RRAS2: variants seen among roughly 807,000 people sequenced by gnomAD.
The protein encoded by RRAS2 is ras-related protein R-Ras2.
RRAS2 carries 7 observed loss-of-function variants against 27.6 expected under a neutral mutation model. The ratio of observed to expected loss-of-function variants is 0.25; its 90% CI spans 0.14 to 0.48. The LOEUF (loss-of-function observed/expected upper bound fraction) is 0.48, where lower values mean the gene tolerates loss of function less well. Ranked by LOEUF, RRAS2 falls within the 20% of genes least tolerant of loss-of-function variation. The pLI, the probability that RRAS2 is intolerant of heterozygous loss-of-function variation, is 0.99. For missense variants in RRAS2, 178 were observed against 256.2 expected, an observed-to-expected ratio of 0.69 and a Z score of 2.08; for synonymous variants, 86 against 90.9, an observed-to-expected ratio of 0.95 and a Z score of 0.31.
At chr11:14,328,439 A>G (rs1429337269) in intron 1 of RRAS2, among the ~76,000 whole-genome samples, 11 of 152,094 alleles carry the variant, frequency 7.2e-5, no homozygotes, top group Admixed American at 4.6e-4. Context: ...AGACACGTGT[A>G]AAAACAATAT....
At chr11:14,342,366 T>A (rs1217688884) in intron 1 of RRAS2, among the ~76,000 whole-genome samples, 2 of 152,334 alleles carry the variant, frequency 1.3e-5, no homozygotes, top group East Asian at 1.9e-4. Flanking sequence ...TTCCCAAGCC[T>A]GCATTTCCTC....
chr11:14,359,574 G>C (rs1849161302), upstream of RRAS2, among the ~76,000 whole-genome samples: 1 of 152,224 alleles, frequency 6.6e-6, no homozygotes, highest in Non-Finnish European at 1.5e-5. Context: ...TTGAGGATTA[G>C]AGCTGTGTCA....
intron 1 of RRAS2, among the ~76,000 whole-genome samples, chr11:14,305,552 T>C (rs1554947986): frequency 2.6e-5 from 4 of 152,096 alleles, no homozygotes. Context: ...AACTCCCCAC[T>C]CCAATAGCTT....
At chr11:14,306,118 C>A (rs559086031) in intron 1 of RRAS2, among the ~76,000 whole-genome samples, 2 of 150,950 alleles carry the variant, frequency 1.3e-5, no homozygotes, top group Non-Finnish European at 2.9e-5. Context: ...GTAAAATAGT[C>A]TCTCACTGCA....
intron 1 of RRAS2, among the ~76,000 whole-genome samples, chr11:14,355,030 G>A (rs1023004743): frequency 2.6e-5 from 4 of 151,796 alleles, no homozygotes; most frequent in Non-Finnish European, 5.9e-5. Context: ...TGATTTACCT[G>A]CATTATTTTA....
chr11:14,349,245 A>C (rs1408746104), intron 1 of RRAS2, among the ~76,000 whole-genome samples: 1 of 151,640 alleles, frequency 6.6e-6, no homozygotes, highest in Admixed American at 6.6e-5. Context: ...TCCACCTCCC[A>C]GGTTCACACC....
Position 14,330,277 on chromosome 11 carries a change from A to C in RRAS2, c.108+28486T>G, listed in dbSNP as rs111263637. 6.3e-3 allele frequency among the ~76,000 whole-genome samples: 960 copies of C among 152,328 alleles called. 15 individuals carry two copies. Among genetic ancestry groups the C allele is most frequent in the African/African-American group, 0.022 (916 of 41,574 alleles). ...ATTCATTGGTAGTCCTGATAATTTA[A>C]GAACTGCTTCCTGGCCAGGCTCAGC... On this transcript the variant is annotated intron_variant, in intron 1 of 5. Coordinates refer to ENST00000256196, the MANE Select transcript of RRAS2 (RefSeq NM_012250.6).
chr11:14,358,738 C>T lies in RRAS2; in HGVS notation c.108+25G>A. 7.7e-7 allele frequency: 1 copy of T among 1,300,368 alleles called. No homozygotes were observed. The highest frequency in any genetic ancestry group is 9.9e-7 in the Non-Finnish European group (1 of 1,014,172). 80.6% of individuals were successfully genotyped at this position (1,300,368 alleles called of 1,614,324 possible). ...GCCCCCGCCCGCCGCCGCTCCGGCG[C>T]CCCGGGCAGGCCCGCTCCAGGTACC... On this transcript the variant is annotated intron_variant, in intron 1 of 5. Transcript: ENST00000256196. The surrounding 1 kb of genome is among the most constrained non-coding windows in gnomAD (Gnocchi z 5.1).
At chr11:14,346,303 G>A (rs1848828333) in intron 1 of RRAS2, among the ~76,000 whole-genome samples, 1 of 152,240 alleles carries the variant, frequency 6.6e-6, no homozygotes, top group African/African-American at 2.4e-5. Flanking sequence ...TGAAAAAAAT[G>A]AATACAAAAA....
At chr11:14,343,791 G>A (rs564338483) in intron 1 of RRAS2, among the ~76,000 whole-genome samples, 23 of 152,032 alleles carry the variant, frequency 1.5e-4, no homozygotes, top group African/African-American at 5.5e-4. Context: ...CCGAGATCGC[G>A]CCAATGCACT....
intron 4 of RRAS2, among the ~76,000 whole-genome samples, chr11:14,283,914 G>C (rs959470071): frequency 6.6e-6 from 1 of 151,920 alleles, no homozygotes; most frequent in African/African-American, 2.4e-5. Flanking sequence ...GGATGGTCTT[G>C]AACTGCTCTG....
In RRAS2 at chr11:14,358,988, C is replaced by A; in HGVS notation, c.-118G>T. 1 of 1,141,122 alleles carries A rather than the reference C, an allele frequency of 8.8e-7. No homozygotes were observed. Among genetic ancestry groups the A allele is most frequent in the South Asian group, 4.3e-5 (1 of 23,368 alleles). The allele number at this position is 1,141,122 out of a possible 1,614,324, so 70.7% of individuals were successfully genotyped here. On this transcript the variant is annotated 5_prime_UTR_variant, in exon 1 of 6. Transcript: ENST00000256196. This position sits in a 1 kb window ranked among gnomAD's most constrained non-coding sequence, Gnocchi z 5.1. The stretch of plus-strand genomic sequence containing the variant: ...CGGGCGAGCGGCCGGGCTGGGGTCC[C>A]GGGTACCGGGAGGCGTCTGGAGGGC...
chr11:14,350,771 G>C (rs894588844), intron 1 of RRAS2, among the ~76,000 whole-genome samples: 3 of 152,096 alleles, frequency 2.0e-5, no homozygotes, highest in Admixed American at 6.5e-5. Flanking sequence ...CACATTCAAA[G>C]GTGTCCTGAG....
chr11:14,320,013 G>C (rs1848191828), intron 1 of RRAS2, among the ~76,000 whole-genome samples: 1 of 152,178 alleles, frequency 6.6e-6, no homozygotes, highest in Admixed American at 6.5e-5. Flanking sequence ...AATGATAGCA[G>C]AAGAAAAATG....
At chr11:14,290,308 G>A (rs1330604028) in intron 4 of RRAS2, among the ~76,000 whole-genome samples, 1 of 152,154 alleles carries the variant, frequency 6.6e-6, no homozygotes, top group Non-Finnish European at 1.5e-5. Context: ...AATTAGCTGG[G>A]CATGGTGGCC....
upstream of RRAS2, among the ~76,000 whole-genome samples, chr11:14,359,638 A>AGT (rs1849162028): frequency 6.6e-6 from 1 of 152,200 alleles, no homozygotes; most frequent in Admixed American, 6.5e-5. Flanking sequence ...AGAATGGGAC[A>AGT]GTGGCTGAGC....
Position 14,358,912 on chromosome 11 carries a change from C to G in RRAS2, c.-42G>C. The G allele has an allele frequency of 7.6e-7, 1 of 1,315,032 alleles. No homozygotes were observed. The highest frequency in any genetic ancestry group is 9.8e-7 in the Non-Finnish European group (1 of 1,021,000). The allele number at this position is 1,315,032 out of a possible 1,614,324, so 81.5% of individuals were successfully genotyped here. A position where few individuals can be genotyped will look rare whatever the true frequency, so the allele number is the denominator to read the frequency against. On this transcript the variant is annotated 5_prime_UTR_variant, in exon 1 of 6. Transcript: ENST00000256196. The surrounding 1 kb of genome is among the most constrained non-coding windows in gnomAD (Gnocchi z 5.1). Reference sequence around the variant, plus strand: ...CCAGCCTGACTGCGCCGAGCCGCCGCTGCCGCCCGCCCTAGGCCCGGCTCC... The same window carrying G: ...CCAGCCTGACTGCGCCGAGCCGCCGGTGCCGCCCGCCCTAGGCCCGGCTCC...
chr11:14,279,058 T>C lies in RRAS2; in HGVS notation c.*279A>G, dbSNP rs1554943889. ...GATTCCAAAACTGATTCATCTCTATTAAAATGTAAGCACTTAAAAAAAGAG... is the reference window on the plus strand; with the variant it reads ...GATTCCAAAACTGATTCATCTCTATCAAAATGTAAGCACTTAAAAAAAGAG... On this transcript the variant is annotated 3_prime_UTR_variant, in exon 6 of 6. Coordinates refer to ENST00000256196, the MANE Select transcript of RRAS2 (RefSeq NM_012250.6). The C allele has an allele frequency of 3.8e-6, 1 of 263,764 alleles. No individual in the cohort carries two copies. The highest frequency in any genetic ancestry group is 2.2e-5 in the African/African-American group (1 of 45,388). 16.3% of individuals were successfully genotyped at this position (263,764 alleles called of 1,614,324 possible).
rs1410102028 is a variant in RRAS2 at position 14,347,436 on chromosome 11, CAG to C, written c.108+11325_108+11326del. Among the ~76,000 whole-genome samples, 21 of 152,192 alleles carry C rather than the reference CAG, an allele frequency of 1.4e-4. 1 individual carries two copies. Among genetic ancestry groups the C allele is most frequent in the African/African-American group, 5.1e-4 (21 of 41,536 alleles). On this transcript the variant is annotated intron_variant, in intron 1 of 5. Coordinates refer to ENST00000256196, the MANE Select transcript of RRAS2 (RefSeq NM_012250.6). ...AATGTACGAAAGGAGTGGGTAGAAA[CAG>C]GGTTAACAAAAGTGCTTAATTCTCA...
Sources: allele counts gnomAD v4.1 joint callset (sites outside exome capture counted in the v4.1 genomes callset), GRCh38; gene constraint gnomAD v4.1.1; non-coding constraint Gnocchi (gnomAD v3.1); transcripts MANE v1.5; gene names NCBI Gene and HGNC (gene_info 2026-07-23, HGNC 2026-07-21).